The following MIER1 variants were observed in gnomAD, a reference collection of about 807,000 sequenced individuals.
The protein encoded by MIER1 is mesoderm induction early response protein 1.
A neutral mutation model predicts 75.7 loss-of-function variants in MIER1; 40 were observed. The ratio of observed to expected loss-of-function variants is 0.53; its 90% CI spans 0.41 to 0.69. The LOEUF is 0.69. MIER1 is among the 30% of genes least tolerant of loss of function. MIER1 has a pLI of 0.00. For synonymous variants in MIER1, 213 were observed against 223.4 expected, an observed-to-expected ratio of 0.95 and a Z score of 0.42; for missense variants, 574 against 680.2, an observed-to-expected ratio of 0.84 and a Z score of 1.74.
chr1:66,929,037 A>C, intron 2 of MIER1: 1 of 905,270 alleles, frequency 1.1e-6, no homozygotes, highest in Admixed American at 2.4e-5. Context: ...TTATTATTGG[A>C]CATAACAGTT....
intron 3 of MIER1, among the ~76,000 whole-genome samples, chr1:66,945,916 T>TTA (rs1376346915): frequency 6.6e-6 from 1 of 152,192 alleles, no homozygotes; most frequent in Non-Finnish European, 1.5e-5. Flanking sequence ...ATATGACCAT[T>TTA]TATTATTTAC....
intron 7 of MIER1, among the ~76,000 whole-genome samples, chr1:66,961,629 C>T (rs1227098477): frequency 6.6e-6 from 1 of 152,126 alleles, no homozygotes; most frequent in Non-Finnish European, 1.5e-5. Flanking sequence ...TACTGACTAC[C>T]AGGGCCTTCA....
rs558128167 is a variant in MIER1 at position 66,947,902 on chromosome 1, G to T, written c.339+1607G>T. On this transcript the variant is annotated intron_variant, in intron 4 of 13. Transcript: ENST00000401041. The stretch of plus-strand genomic sequence containing the variant: ...AGCTCATTCTCACTCTCTGGTATAT[G>T]CATCCCAAGGCCGGCTCCTTATCCT... The T allele has an allele frequency of 3.8e-4, 377 of 984,750 alleles. 3 individuals are homozygous for T. The African/African-American group carries it at 6.5e-3, about 17-fold the overall frequency. 61.0% of individuals were successfully genotyped at this position (984,750 alleles called of 1,614,324 possible).
At chr1:66,930,996 C>T (rs1260934545) in intron 2 of MIER1, among the ~76,000 whole-genome samples, 1 of 152,172 alleles carries the variant, frequency 6.6e-6, no homozygotes, top group African/African-American at 2.4e-5. Flanking sequence ...ATCTCCCGCT[C>T]CCCAAGGTAC....
At chr1:66,971,865 C>A in intron 10 of MIER1, 129 bp downstream of exon 10, 1 of 511,732 alleles carries the variant, frequency 2.0e-6, no homozygotes, top group Non-Finnish European at 3.5e-6. Context: ...TTACAAAATA[C>A]CAAGTATTAC....
In MIER1 at chr1:66,971,736, G is replaced by A; in HGVS notation, c.1006G>A (p.Glu336Lys). The A allele has an allele frequency of 7.0e-7, 1 of 1,426,872 alleles. No homozygotes were observed. The highest frequency in any genetic ancestry group is 2.0e-5 in the Admixed American group (1 of 50,746). 88.4% of individuals were successfully genotyped at this position (1,426,872 alleles called of 1,614,324 possible). Residue 336 changes from glutamate to lysine, a missense_variant and splice_region_variant, in exon 10 of 14, where the codon GAG becomes AAG. Glu to Lys is a moderately conservative substitution (Grantham distance 56). This residue lies in a region of MIER1 where 101 missense variants were observed against 173.1 expected (regional missense o/e 0.58). Coordinates refer to ENST00000401041, the MANE Select transcript of MIER1 (RefSeq NM_001077700.3). Reference sequence around the variant, plus strand: ...AAGATTTAATGTAAAAGCAGCTAGAGGTAAGTATAGTTTTTATTCATTTTC... The same window carrying A: ...AAGATTTAATGTAAAAGCAGCTAGAAGTAAGTATAGTTTTTATTCATTTTC... The part of the protein sequence containing the change: ...RLRFNVKAAR[E>K]ELSVWTEEEC...
At chr1:66,972,557 G>A (rs1474804637) in intron 10 of MIER1, among the ~76,000 whole-genome samples, 2 of 151,886 alleles carry the variant, frequency 1.3e-5, no homozygotes, top group African/African-American at 4.8e-5. Flanking sequence ...GATGAGGCAG[G>A]AAATAATTCT....
intron 3 of MIER1, among the ~76,000 whole-genome samples, chr1:66,945,267 G>GTATGTATATA (rs1657244405): frequency 7.0e-6 from 1 of 141,874 alleles, no homozygotes; most frequent in Non-Finnish European, 1.5e-5. Context: ...TCTGGTGTGT[G>GTATGTATATA]TATATATATA....
chr1:66,927,842 T>A (rs950680023), intron 2 of MIER1, among the ~76,000 whole-genome samples: 1 of 152,130 alleles, frequency 6.6e-6, no homozygotes, highest in Non-Finnish European at 1.5e-5. Flanking sequence ...GAGAATTGAC[T>A]AAAAGATCTC....
intron 11 of MIER1, among the ~76,000 whole-genome samples, chr1:66,975,474 CGGTTT>C (rs1664511089): frequency 6.6e-6 from 1 of 151,650 alleles, no homozygotes; most frequent in South Asian, 2.1e-4. Flanking sequence ...CTGCAGTTAG[CGGTTT>C]GGTGCCACTG....
chr1:66,984,503 T>G, intron 13 of MIER1, 69 bp from the exon 14 acceptor site: 1 of 1,076,368 alleles, frequency 9.3e-7, no homozygotes, highest in Non-Finnish European at 1.4e-6. Context: ...AACTACAAGC[T>G]GTTTTATAAT....
intron 8 of MIER1, among the ~76,000 whole-genome samples, chr1:66,964,959 A>T (rs1662079989): frequency 6.6e-6 from 1 of 152,174 alleles, no homozygotes; most frequent in Non-Finnish European, 1.5e-5. Flanking sequence ...ACCTACTCTC[A>T]GGGCAAGCAG....
intron 12 of MIER1, among the ~76,000 whole-genome samples, chr1:66,981,482 CTTCCAG>C (rs1665869226): frequency 6.6e-6 from 1 of 152,164 alleles, no homozygotes; most frequent in Non-Finnish European, 1.5e-5. Context: ...GTTAAGAGAT[CTTCCAG>C]TTCTAGTTGG....
chr1:66,930,142 C>T, intron 2 of MIER1: 1 of 1,121,378 alleles, frequency 8.9e-7, no homozygotes, highest in Non-Finnish European at 1.1e-6. Context: ...GGGCCGCGCG[C>T]GCGCCCCTGC....
chr1:66,942,194 A>G (rs1325965461), intron 3 of MIER1, among the ~76,000 whole-genome samples: 1 of 152,208 alleles, frequency 6.6e-6, no homozygotes, highest in East Asian at 1.9e-4. Flanking sequence ...AGAAATACTC[A>G]TGTAAAAAAT....
rs1411285139 is a variant in MIER1 at position 66,985,376 on chromosome 1, A to G, written c.*476A>G. ...CTTTAAAACAGACATTTTTCTCACC[A>G]AACAGTTTGAGTATCTTTATTAAGG... On this transcript the variant is annotated 3_prime_UTR_variant, in exon 14 of 14. Transcript: ENST00000401041. The G allele has an allele frequency of 1.1e-5, 11 of 984,580 alleles. No individual in the cohort carries two copies. Among genetic ancestry groups the G allele is most frequent in the Non-Finnish European group, 1.3e-5 (11 of 829,238 alleles). 61.0% of individuals were successfully genotyped at this position (984,580 alleles called of 1,614,324 possible). A position where few individuals can be genotyped will look rare whatever the true frequency, so the allele number is the denominator to read the frequency against.
chr1:66,959,754 C>A lies in MIER1; in HGVS notation c.699+11C>A. The stretch of plus-strand genomic sequence containing the variant: ...GAAGACTGGAAAAAGGTAGTTAGAA[C>A]AATATTTTCCCAAAATTTAGATAAA... On this transcript the variant is annotated intron_variant, in intron 7 of 13. Coordinates refer to ENST00000401041, the MANE Select transcript of MIER1 (RefSeq NM_001077700.3). 1.5e-6 allele frequency: 2 copies of A among 1,310,078 alleles called. No individual in the cohort carries two copies. Among genetic ancestry groups the A allele is most frequent in the Non-Finnish European group, 2.1e-6 (2 of 971,042 alleles). The allele number at this position is 1,310,078 out of a possible 1,614,324, so 81.2% of individuals were successfully genotyped here.
chr1:66,988,113 T>TGTGTGCTGATGACCCTA lies in MIER1; in HGVS notation c.*3214_*3215insTGTGCTGATGACCCTAG, dbSNP rs142144569. The TGTGTGCTGATGACCCTA allele has an allele frequency of 0.22, 33,086 of 152,214 alleles. 3,933 individuals carry two copies. The highest frequency in any genetic ancestry group is 0.25 in the Non-Finnish European group (17,298 of 67,946). The allele number at this position is 152,214 out of a possible 1,614,324, so 9.4% of individuals were successfully genotyped here. On this transcript the variant is annotated 3_prime_UTR_variant, in exon 14 of 14. Transcript: ENST00000401041. The stretch of plus-strand genomic sequence containing the variant: ...GTGAATATAATAGGCAATATTTACA[T>TGTGTGCTGATGACCCTA]GGGGTGTGTAACTAAATACCAAATC...
chr1:66,943,940 G>C (rs573867079), intron 3 of MIER1, among the ~76,000 whole-genome samples: 11 of 152,142 alleles, frequency 7.2e-5, no homozygotes, highest in Admixed American at 6.5e-4. Context: ...CCATCTACTG[G>C]CTTTGTAAGT....
Sources: gnomAD v4.1 joint callset for allele counts (sites outside exome capture counted in the v4.1 genomes callset) on GRCh38, gnomAD v4.1.1 for gene constraint, gnomAD v4.1.1 regional missense constraint, MANE v1.5 for transcripts, NCBI Gene and HGNC (gene_info 2026-07-23, HGNC 2026-07-21) for gene names.